The following ADGRB3 variants were observed in gnomAD, a reference collection of about 807,000 sequenced individuals.
ADGRB3 encodes brain-specific angiogenesis inhibitor 3.
A neutral mutation model predicts 193.4 loss-of-function variants in ADGRB3; 37 were observed. The observed-to-expected ratio is 0.19, with a 90% confidence interval of 0.15 to 0.25. The LOEUF (loss-of-function observed/expected upper bound fraction) is 0.25. Ranked by LOEUF, ADGRB3 falls within the 10% of genes least tolerant of loss-of-function variation. The probability of loss-of-function intolerance (pLI) is 1.00; values close to 1 mark genes in which losing one functional copy is unlikely to be tolerated. For missense variants in ADGRB3, 1,637 were observed against 1,852.9 expected (o/e 0.88, Z 2.14); for synonymous variants, 690 against 644.2 (o/e 1.07, Z -1.08).
intron 17 of ADGRB3, among the ~76,000 whole-genome samples, chr6:69,160,809 T>C (rs994537041): frequency 6.6e-6 from 1 of 152,060 alleles, no homozygotes; most frequent in Non-Finnish European, 1.5e-5. Context: ...CTAGAGAGAG[T>C]AAAGAATAGT....
chr6:69,348,185 A>G (rs1003092556), intron 26 of ADGRB3, among the ~76,000 whole-genome samples: 11 of 152,304 alleles, frequency 7.2e-5, no homozygotes, highest in African/African-American at 2.6e-4. Flanking sequence ...TGACATCAGT[A>G]AAAAAGCTCA....
rs73745943 is a variant in ADGRB3, at chr6:69,067,607, G to A, written c.2436+4571G>A. Among the ~76,000 whole-genome samples the A allele has an allele frequency of 6.2e-3, 936 of 152,116 alleles. 10 individuals carry two copies. The highest frequency in any genetic ancestry group is 0.021 in the African/African-American group (857 of 41,516). The stretch of plus-strand genomic sequence containing the variant: ...GTGTGCATCCGTAATTTTCACAAAG[G>A]GCTGTTTGATATGCCTTTACTTTTT... On this transcript the variant is annotated intron_variant, in intron 16 of 31. Transcript: ENST00000370598.
At chr6:69,046,682 G>A (rs1304150880) in intron 13 of ADGRB3, among the ~76,000 whole-genome samples, 1 of 152,072 alleles carries the variant, frequency 6.6e-6, no homozygotes, top group East Asian at 1.9e-4. Context: ...TCACCTGAAA[G>A]AACTTTAATA....
chr6:69,328,564 G>A (rs1768635693), intron 22 of ADGRB3, among the ~76,000 whole-genome samples: 1 of 152,070 alleles, frequency 6.6e-6, no homozygotes, highest in Non-Finnish European at 1.5e-5. Flanking sequence ...AAAGAAATGT[G>A]CATCTTATTA....
intron 15 of ADGRB3, among the ~76,000 whole-genome samples, chr6:69,054,613 G>A (rs751686774): frequency 3.3e-5 from 5 of 152,082 alleles, no homozygotes; most frequent in South Asian, 2.1e-4. Context: ...ACAAATTGGC[G>A]TAGCTTATAG....
At chr6:69,299,937 A>G (rs981079491) in intron 20 of ADGRB3, among the ~76,000 whole-genome samples, 3 of 151,694 alleles carry the variant, frequency 2.0e-5, no homozygotes, top group African/African-American at 4.8e-5. Context: ...TGGTATTTTA[A>G]TAGGGATTGC....
chr6:69,268,097 C>T (rs1044926999), intron 20 of ADGRB3, among the ~76,000 whole-genome samples: 3 of 152,012 alleles, frequency 2.0e-5, no homozygotes, highest in East Asian at 1.9e-4. Context: ...CATGTATTCT[C>T]GTCTATAGAA....
At chr6:69,106,789 C>A (rs117741225) in intron 17 of ADGRB3, among the ~76,000 whole-genome samples, 1,995 of 152,252 alleles carry the variant, frequency 0.013, 21 homozygotes, top group Non-Finnish European at 0.021. Context: ...TGCTATTGGC[C>A]ATGTAAAAGA....
chr6:69,224,539 G>A (rs1305760425), intron 17 of ADGRB3, among the ~76,000 whole-genome samples: 9 of 152,056 alleles, frequency 5.9e-5, no homozygotes, highest in African/African-American at 2.2e-4. Flanking sequence ...GCATTTTAAA[G>A]TATTTTGAAA....
At chr6:68,676,389 CAAAAAAAAAAAA>C (rs70987431) in intron 3 of ADGRB3, among the ~76,000 whole-genome samples, 1 of 84,638 alleles carries the variant, frequency 1.2e-5, no homozygotes, top group Non-Finnish European at 2.4e-5. Flanking sequence ...GACTCTGTCT[CAAAAAAAAAAAA>C]AAAAAAAAAA....
chr6:69,366,705 TTG>T lies in ADGRB3; in HGVS notation c.4239+5199_4239+5200del, dbSNP rs1370435351. On this transcript the variant is annotated intron_variant, in intron 29 of 31. Coordinates refer to ENST00000370598, the MANE Select transcript of ADGRB3 (RefSeq NM_001704.3). Reference sequence around the variant, plus strand: ...GTTGACCTGTTCATAATGGTTTTCGTTGTGTGTTTAGTCTACCTGCTTAAACA... The same window carrying T: ...GTTGACCTGTTCATAATGGTTTTCGTTGTGTTTAGTCTACCTGCTTAAACA... Among the ~76,000 whole-genome samples the T allele has an allele frequency of 3.9e-4, 59 of 152,250 alleles. No individual in the cohort carries two copies. The Middle Eastern group carries it at 0.01, about 26-fold the overall frequency.
At chr6:69,182,070 C>A (rs1775598837) in intron 17 of ADGRB3, among the ~76,000 whole-genome samples, 1 of 151,832 alleles carries the variant, frequency 6.6e-6, no homozygotes, top group Admixed American at 6.6e-5. Context: ...GAAATATGGC[C>A]AAAAAAATCA....
Position 69,240,127 on chromosome 6 carries a change from A to T in ADGRB3, c.2814+901A>T, listed in dbSNP as rs376262899. ...ATTATATATTCATAGGACATGTATT[A>T]ATGTCAAGGATAATGGATAGTCTGT... On this transcript the variant is annotated intron_variant, in intron 20 of 31. Transcript: ENST00000370598. Among the ~76,000 whole-genome samples the T allele has an allele frequency of 1.2e-3, 183 of 152,200 alleles. 2 individuals carry two copies. The South Asian group carries it at 0.03, about 25-fold the overall frequency.
intron 10 of ADGRB3, among the ~76,000 whole-genome samples, chr6:68,979,242 G>A (rs1288924857): frequency 6.6e-6 from 1 of 151,194 alleles, no homozygotes; most frequent in African/African-American, 2.4e-5. Context: ...AAGGATACTA[G>A]CAGCTGGAGA....
intron 13 of ADGRB3, among the ~76,000 whole-genome samples, chr6:69,041,176 A>T (rs554350606): frequency 1.3e-5 from 2 of 152,142 alleles, no homozygotes; most frequent in Non-Finnish European, 2.9e-5. Flanking sequence ...GAACATTTCA[A>T]TCCCAGCCTT....
intron 3 of ADGRB3, among the ~76,000 whole-genome samples, chr6:68,787,729 C>G (rs556178194): frequency 1.9e-4 from 29 of 152,222 alleles, no homozygotes; most frequent in Admixed American, 1.5e-3. Context: ...AGAAAGAATG[C>G]TACCAGCTCC....
chr6:68,814,180 A>C (rs1767577794), intron 3 of ADGRB3, among the ~76,000 whole-genome samples: 1 of 152,208 alleles, frequency 6.6e-6, no homozygotes, highest in Non-Finnish European at 1.5e-5. Context: ...CCAACAGTGT[A>C]GAAGTGTTCC....
chr6:69,166,601 A>G (rs913453075), intron 17 of ADGRB3, among the ~76,000 whole-genome samples: 8 of 152,218 alleles, frequency 5.3e-5, no homozygotes, highest in East Asian at 1.9e-4. Context: ...GAACACACAG[A>G]ATTGGAGCTG....
intron 5 of ADGRB3, among the ~76,000 whole-genome samples, chr6:68,938,986 C>A (rs1340461119): frequency 6.6e-6 from 1 of 152,060 alleles, no homozygotes; most frequent in Non-Finnish European, 1.5e-5. Flanking sequence ...GGAAAGTGTT[C>A]TCAAAAATTT....
Sources: gnomAD v4.1 joint callset for allele counts (sites outside exome capture counted in the v4.1 genomes callset) on GRCh38, gnomAD v4.1.1 for gene constraint, MANE v1.5 for transcripts, NCBI Gene and HGNC (gene_info 2026-07-23, HGNC 2026-07-21) for gene names.